RIN2: variants seen among roughly 807,000 people sequenced by gnomAD.
The protein encoded by RIN2 is Ras and Rab interactor 2.
A neutral mutation model predicts 78.0 loss-of-function variants in RIN2; 36 were observed. That is an observed-to-expected ratio of 0.46 (90% CI 0.35 to 0.61). The LOEUF (loss-of-function observed/expected upper bound fraction) is 0.61. Among genes scored for constraint, RIN2 ranks in the 20% least tolerant of loss-of-function variants. The probability of loss-of-function intolerance (pLI) is 0.00; values close to 1 mark genes in which losing one functional copy is unlikely to be tolerated. For synonymous variants in RIN2, 466 were observed against 466.8 expected (o/e 1.00, Z 0.02); for missense variants, 1,087 against 1,159.7 (o/e 0.94, Z 0.91).
chr20:19,971,055 A>C (rs1054702502), intron 8 of RIN2, 126 bp downstream of exon 8: 2 of 693,084 alleles, frequency 2.9e-6, no homozygotes, highest in Admixed American at 2.7e-5. Context: ...AGTTTGGGCT[A>C]TCCAAAATGT....
At chr20:19,988,590 GTTA>G (rs1050594658) in intron 9 of RIN2, among the ~76,000 whole-genome samples, 4 of 152,090 alleles carry the variant, frequency 2.6e-5, no homozygotes, top group African/African-American at 9.7e-5. Flanking sequence ...AAGCAGAGGA[GTTA>G]TTATTATATA....
At chr20:19,901,625 T>C (rs916482561) in intron 3 of RIN2, among the ~76,000 whole-genome samples, 1 of 152,256 alleles carries the variant, frequency 6.6e-6, no homozygotes, top group Non-Finnish European at 1.5e-5. Flanking sequence ...AGACATTTTG[T>C]TGTTTGACAT....
chr20:19,857,630 T>C (rs1249366437), intron 2 of RIN2, among the ~76,000 whole-genome samples: 1 of 152,138 alleles, frequency 6.6e-6, no homozygotes, highest in Non-Finnish European at 1.5e-5. Context: ...CTTGGTATGA[T>C]CAGTCTTTTA....
intron 2 of RIN2, among the ~76,000 whole-genome samples, chr20:19,850,166 T>C (rs1395024130): frequency 6.6e-6 from 1 of 152,190 alleles, no homozygotes; most frequent in African/African-American, 2.4e-5. Flanking sequence ...ATAAATTACT[T>C]TTCCCATAAA....
At chr20:19,827,389 C>G (rs2036125531) in intron 2 of RIN2, among the ~76,000 whole-genome samples, 1 of 152,196 alleles carries the variant, frequency 6.6e-6, no homozygotes, top group South Asian at 2.1e-4. Flanking sequence ...CACGTTTTGG[C>G]TAAGATACAC....
intron 2 of RIN2, among the ~76,000 whole-genome samples, chr20:19,816,791 A>T (rs1204997180): frequency 2.0e-5 from 3 of 152,214 alleles, no homozygotes; most frequent in African/African-American, 7.2e-5. Flanking sequence ...ACAAGAGGAC[A>T]TTGATACAAT....
At chr20:19,945,361 G>A (rs981545343) in intron 4 of RIN2, among the ~76,000 whole-genome samples, 3 of 152,118 alleles carry the variant, frequency 2.0e-5, no homozygotes, top group Non-Finnish European at 2.9e-5. Context: ...CTTTGATTCC[G>A]GATAAATTGA....
rs1201651543 is a variant in RIN2, at chr20:19,764,916, GCGTT to G, written c.-163+6590_-163+6593del. Among the ~76,000 whole-genome samples the G allele has an allele frequency of 1.4e-3, 51 of 35,358 alleles. 2 individuals carry two copies. Among genetic ancestry groups the G allele is most frequent in the East Asian group, 4.9e-3 (3 of 610 alleles). 23.2% of individuals were successfully genotyped at this position (35,358 alleles called of 152,430 possible). ...AAGGGCAAGTCCCACTTCACTTTCT[GCGTT>G]TTTTTTTTTTTTTTTTTTTTTTTGA... On this transcript the variant is annotated intron_variant, in intron 1 of 12. Coordinates refer to ENST00000255006, the MANE Select transcript of RIN2 (RefSeq NM_018993.4).
intron 2 of RIN2, among the ~76,000 whole-genome samples, chr20:19,851,066 A>AAGGAAGGAAGGC (rs1568815229): frequency 6.0e-5 from 9 of 149,496 alleles, no homozygotes; most frequent in African/African-American, 2.2e-4. Flanking sequence ...GAAAGGAAGG[A>AAGGAAGGAAGGC]AGGAAGGAAG....
chr20:19,902,869 G>A (rs958520595), intron 3 of RIN2, among the ~76,000 whole-genome samples: 1 of 152,106 alleles, frequency 6.6e-6, no homozygotes, highest in African/African-American at 2.4e-5. Flanking sequence ...CTAGGTGGGT[G>A]GATCACAATG....
chr20:19,945,885 G>A (rs1201963010), intron 4 of RIN2, among the ~76,000 whole-genome samples: 1 of 152,186 alleles, frequency 6.6e-6, no homozygotes, highest in Admixed American at 6.5e-5. Flanking sequence ...AAGGCCAGGT[G>A]GCTCTTGGTA....
At chr20:19,949,715 G>A (rs1306430090) in intron 4 of RIN2, among the ~76,000 whole-genome samples, 5 of 152,188 alleles carry the variant, frequency 3.3e-5, no homozygotes, top group Non-Finnish European at 5.9e-5. Flanking sequence ...GTAGGGGGAG[G>A]TGCAAGGGAG....
chr20:19,932,133 G>A (rs968749007), intron 3 of RIN2, among the ~76,000 whole-genome samples: 1 of 152,200 alleles, frequency 6.6e-6, no homozygotes, highest in Non-Finnish European at 1.5e-5. Context: ...CAGATCATTA[G>A]GTCATGAGGG....
chr20:19,871,299 G>C (rs1465818669), intron 2 of RIN2, among the ~76,000 whole-genome samples: 1 of 152,154 alleles, frequency 6.6e-6, no homozygotes, highest in Non-Finnish European at 1.5e-5. Flanking sequence ...TCGCCAGGTA[G>C]GTGGCTCACA....
chr20:19,833,702 G>A (rs2036319947), intron 2 of RIN2, among the ~76,000 whole-genome samples: 1 of 152,196 alleles, frequency 6.6e-6, no homozygotes, highest in Non-Finnish European at 1.5e-5. Flanking sequence ...TTCAAGCCTG[G>A]GCTGGTGCCC....
intron 3 of RIN2, among the ~76,000 whole-genome samples, chr20:19,917,507 A>C (rs1252183795): frequency 3.3e-5 from 5 of 152,240 alleles, no homozygotes; most frequent in Admixed American, 6.5e-5. Flanking sequence ...AGAGACCTAA[A>C]TTGTACCACC....
intron 2 of RIN2, among the ~76,000 whole-genome samples, chr20:19,875,540 C>G (rs546638761): frequency 6.6e-6 from 1 of 152,084 alleles, no homozygotes; most frequent in Non-Finnish European, 1.5e-5. Flanking sequence ...GAGTCTGAGG[C>G]GGGAGGATGG....
chr20:19,769,078 C>A (rs375109545), intron 1 of RIN2, among the ~76,000 whole-genome samples: 1 of 152,022 alleles, frequency 6.6e-6, no homozygotes, highest in Admixed American at 6.5e-5. Context: ...CCCACCGCCA[C>A]GCCCAGCTAA....
intron 2 of RIN2, among the ~76,000 whole-genome samples, chr20:19,879,837 A>G (rs144540258): frequency 3.7e-4 from 56 of 152,370 alleles, no homozygotes; most frequent in African/African-American, 1.3e-3. Context: ...TGTATGCTAT[A>G]GAGAGAGGAA....
Sources: allele counts gnomAD v4.1 joint callset (sites outside exome capture counted in the v4.1 genomes callset), GRCh38; gene constraint gnomAD v4.1.1; transcripts MANE v1.5; gene names NCBI Gene and HGNC (gene_info 2026-07-23, HGNC 2026-07-21).